The following CORO2A variants were observed in gnomAD, a reference collection of about 807,000 sequenced individuals.
CORO2A encodes coronin 2A.
CORO2A carries 47 observed loss-of-function variants against 62.4 expected under a neutral mutation model. The ratio of observed to expected loss-of-function variants is 0.75; its 90% CI spans 0.60 to 0.96. CORO2A has a LOEUF of 0.96. Among genes scored for constraint, CORO2A ranks in the 40% least tolerant of loss-of-function variants. The pLI, the probability that CORO2A is intolerant of heterozygous loss-of-function variation, is 0.00. For synonymous variants in CORO2A, 273 were observed against 268.9 expected (o/e 1.02, Z -0.15); for missense variants, 610 against 684.1 (o/e 0.89, Z 1.21).
intron 1 of CORO2A, among the ~76,000 whole-genome samples, chr9:98,171,750 T>C (rs1016062897): frequency 6.7e-6 from 1 of 150,104 alleles, no homozygotes; most frequent in Admixed American, 6.7e-5. Flanking sequence ...AGCCAGGAGC[T>C]TGCAGCGCGG....
chr9:98,177,898 T>C (rs185299735), intron 1 of CORO2A, among the ~76,000 whole-genome samples: 1 of 152,184 alleles, frequency 6.6e-6, no homozygotes, highest in East Asian at 1.9e-4. Flanking sequence ...TCCCCTAACA[T>C]AAACAAACAA....
chr9:98,166,802 A>C (rs1482474134), intron 1 of CORO2A, among the ~76,000 whole-genome samples: 1 of 152,216 alleles, frequency 6.6e-6, no homozygotes, highest in Non-Finnish European at 1.5e-5. Flanking sequence ...GATCAGTAAA[A>C]TGTGGTATAT....
intron 2 of CORO2A, among the ~76,000 whole-genome samples, chr9:98,142,083 A>G (rs781309364): frequency 1.8e-4 from 27 of 152,268 alleles, no homozygotes; most frequent in Non-Finnish European, 2.5e-4. Context: ...ACAAAAATAC[A>G]GATTTTCTGA....
chr9:98,151,160 A>G (rs1564207945), intron 2 of CORO2A, among the ~76,000 whole-genome samples: 1 of 152,230 alleles, frequency 6.6e-6, no homozygotes. Context: ...ATTTATGAGC[A>G]ACAATTATGC....
chr9:98,152,261 C>T (rs1027032292), intron 2 of CORO2A, among the ~76,000 whole-genome samples: 1 of 151,900 alleles, frequency 6.6e-6, no homozygotes, highest in Non-Finnish European at 1.5e-5. Flanking sequence ...CTGTGCAGGC[C>T]ATGACCTTTT....
chr9:98,182,786 T>C (rs930449558), intron 1 of CORO2A, among the ~76,000 whole-genome samples: 8 of 152,240 alleles, frequency 5.3e-5, no homozygotes, highest in South Asian at 2.1e-4. Context: ...AAGAGTCTAA[T>C]TGGGGACCCG....
At chr9:98,128,324 T>C in intron 9 of CORO2A, 64 bp from the exon 10 acceptor site, 2 of 1,334,764 alleles carry the variant, frequency 1.5e-6, no homozygotes, top group Non-Finnish European at 2.1e-6. Flanking sequence ...GGAAAGGCCC[T>C]TAGACCTGGG....
intron 3 of CORO2A, among the ~76,000 whole-genome samples, chr9:98,136,370 A>G (rs1191253512): frequency 6.6e-6 from 1 of 152,182 alleles, no homozygotes; most frequent in Non-Finnish European, 1.5e-5. Context: ...ACCGACACAA[A>G]TCCTCTTTGA....
At chr9:98,192,285 G>A (rs1828314233) in intron 1 of CORO2A, among the ~76,000 whole-genome samples, 2 of 152,344 alleles carry the variant, frequency 1.3e-5, no homozygotes, top group South Asian at 4.1e-4. Flanking sequence ...AGGGCAGCGA[G>A]CCGTCGGGAG....
intron 1 of CORO2A, among the ~76,000 whole-genome samples, chr9:98,178,240 ATT>A: frequency 6.6e-6 from 1 of 151,878 alleles, no homozygotes; most frequent in South Asian, 2.1e-4. Context: ...TGAGGCGGGG[ATT>A]TGCTATGTTG....
intron 1 of CORO2A, among the ~76,000 whole-genome samples, chr9:98,176,389 T>C (rs1564217994): frequency 6.6e-6 from 1 of 152,196 alleles, no homozygotes; most frequent in Non-Finnish European, 1.5e-5. Context: ...TTTTGGCTCG[T>C]ACCAGTCTAG....
chr9:98,151,978 G>C (rs557685198), intron 2 of CORO2A, among the ~76,000 whole-genome samples: 1 of 151,790 alleles, frequency 6.6e-6, no homozygotes, highest in African/African-American at 2.4e-5. Context: ...CACCATGCCC[G>C]GCTAATTTTT....
chr9:98,183,317 T>C (rs1310010243), intron 1 of CORO2A, among the ~76,000 whole-genome samples: 1 of 152,228 alleles, frequency 6.6e-6, no homozygotes, highest in African/African-American at 2.4e-5. Flanking sequence ...AAAAGAGTCC[T>C]AGTTCCCACC....
In CORO2A at chr9:98,121,283, G is replaced by C. The variant is rs1369431158; in HGVS notation, c.*3491C>G. The C allele has an allele frequency of 6.6e-6, 1 of 152,132 alleles. No homozygotes were observed. The highest frequency in any genetic ancestry group is 1.5e-5 in the Non-Finnish European group (1 of 68,040). The allele number at this position is 152,132 out of a possible 1,614,324, so 9.4% of individuals were successfully genotyped here. A position where few individuals can be genotyped will look rare whatever the true frequency, so the allele number is the denominator to read the frequency against. ...TCTCCTAGTGCTGTCCTCATTCTCA[G>C]AAAGTTCCTGAGTCAACAGAAAGGG... On this transcript the variant is annotated 3_prime_UTR_variant, in exon 12 of 12. Coordinates refer to ENST00000375077, the MANE Select transcript of CORO2A (RefSeq NM_052820.4).
chr9:98,129,707 C>T (rs540334660), intron 8 of CORO2A, 87 bp downstream of exon 8: 16 of 987,076 alleles, frequency 1.6e-5, no homozygotes, highest in East Asian at 9.6e-5. Flanking sequence ...CCCCAGACCC[C>T]GCACTGAAGC....
chr9:98,158,315 G>C (rs755266158), intron 1 of CORO2A, among the ~76,000 whole-genome samples: 3 of 152,098 alleles, frequency 2.0e-5, no homozygotes, highest in Non-Finnish European at 2.9e-5. Flanking sequence ...ATTGAAAAAA[G>C]TATCTGCCTC....
At chr9:98,130,917 G>A (rs779565380) in intron 7 of CORO2A, 38 bp downstream of exon 7, 23 of 1,545,860 alleles carry the variant, frequency 1.5e-5, no homozygotes, top group Non-Finnish European at 2.0e-5. Context: ...GCTGTCTCAG[G>A]GGTCCAGGAG....
chr9:98,139,238 C>T (rs1444158686), intron 2 of CORO2A, among the ~76,000 whole-genome samples: 1 of 152,004 alleles, frequency 6.6e-6, no homozygotes, highest in Non-Finnish European at 1.5e-5. Flanking sequence ...AGTATATTCA[C>T]AACCTTGTGA....
chr9:98,173,480 T>G (rs1828066583), intron 1 of CORO2A, among the ~76,000 whole-genome samples: 1 of 152,198 alleles, frequency 6.6e-6, no homozygotes, highest in Admixed American at 6.5e-5. Flanking sequence ...ACGGGCTCCA[T>G]GAGCACTCAA....
Sources: allele counts gnomAD v4.1 joint callset (sites outside exome capture counted in the v4.1 genomes callset), GRCh38; gene constraint gnomAD v4.1.1; transcripts MANE v1.5; gene names NCBI Gene and HGNC (gene_info 2026-07-23, HGNC 2026-07-21).